MAP4: variants seen among roughly 807,000 people sequenced by gnomAD.
MAP4 encodes the protein microtubule associated protein 4, also known as microtubule-associated protein 4.
A neutral mutation model predicts 170.2 loss-of-function variants in MAP4; 76 were observed. The ratio of observed to expected loss-of-function variants is 0.45; its 90% CI spans 0.37 to 0.54. MAP4 has a LOEUF of 0.54. Ranked by LOEUF, MAP4 falls within the 20% of genes least tolerant of loss-of-function variation. The pLI is 0.00. For synonymous variants in MAP4, 909 were observed against 994.5 expected (o/e 0.91, Z 1.62); for missense variants, 2,506 against 2,748.0 (o/e 0.91, Z 1.97).
chr3:47,921,722 T>C (rs751322312), intron 5 of MAP4, 43 bp downstream of exon 5: 4 of 1,224,346 alleles, frequency 3.3e-6, no homozygotes, highest in Non-Finnish European at 4.8e-6. Flanking sequence ...AGAAAAAATT[T>C]TTTTCCTTCC....
chr3:48,000,634 C>T (rs1396569143), intron 1 of MAP4, among the ~76,000 whole-genome samples: 1 of 152,106 alleles, frequency 6.6e-6, no homozygotes, highest in Non-Finnish European at 1.5e-5. Flanking sequence ...TATTTAGTTG[C>T]CCTGGTTGAC....
chr3:48,001,786 C>A (rs2100099291), intron 1 of MAP4, among the ~76,000 whole-genome samples: 1 of 152,146 alleles, frequency 6.6e-6, no homozygotes, highest in African/African-American at 2.4e-5. Flanking sequence ...CAGGTGTGAG[C>A]CCCTGCGCCC....
chr3:47,988,461 T>C (rs1325483245), intron 2 of MAP4, among the ~76,000 whole-genome samples: 2 of 152,114 alleles, frequency 1.3e-5, no homozygotes, highest in African/African-American at 2.4e-5. Context: ...AAATATGTGG[T>C]GGGACCATGT....
At chr3:47,933,669 G>A (rs928441313) in intron 3 of MAP4, among the ~76,000 whole-genome samples, 2 of 147,908 alleles carry the variant, frequency 1.4e-5, no homozygotes, top group Non-Finnish European at 3.0e-5. Flanking sequence ...GGCGCGATCT[G>A]GGCTCACTGC....
intron 3 of MAP4, chr3:47,973,999 C>T: frequency 1.0e-6 from 1 of 985,422 alleles, no homozygotes; most frequent in Non-Finnish European, 1.2e-6. Flanking sequence ...AGAATCCAGC[C>T]CTTGTGACCA....
At chr3:47,883,142 A>G (rs1490509432) in intron 10 of MAP4, among the ~76,000 whole-genome samples, 4 of 152,106 alleles carry the variant, frequency 2.6e-5, no homozygotes, top group Non-Finnish European at 5.9e-5. Flanking sequence ...TCCTCTTCAT[A>G]GATTAAGCAC....
chr3:47,988,067 G>A (rs1293714341), intron 2 of MAP4, among the ~76,000 whole-genome samples: 5 of 152,032 alleles, frequency 3.3e-5, no homozygotes, highest in African/African-American at 9.7e-5. Context: ...GGCGGCACAC[G>A]CCTGTAGTCC....
chr3:47,900,046 T>C (rs2100029185), intron 10 of MAP4, among the ~76,000 whole-genome samples: 1 of 152,222 alleles, frequency 6.6e-6, no homozygotes, highest in Non-Finnish European at 1.5e-5. Flanking sequence ...TTCTTTCTTA[T>C]CAGTTACCAA....
At chr3:47,988,220 A>G (rs2100090045) in intron 2 of MAP4, among the ~76,000 whole-genome samples, 1 of 150,028 alleles carries the variant, frequency 6.7e-6, no homozygotes, top group Non-Finnish European at 1.5e-5. Context: ...AAAGCAAAGC[A>G]AAAAGATAGA....
At chr3:48,040,752 C>T (rs1177588976) in intron 1 of MAP4, among the ~76,000 whole-genome samples, 9 of 151,546 alleles carry the variant, frequency 5.9e-5, no homozygotes, top group Non-Finnish European at 1.2e-4. Context: ...TTAGTAGAGA[C>T]GGGGTTTCAC....
chr3:47,988,512 G>A lies in MAP4; in HGVS notation c.223+10126C>T, dbSNP rs145767002. Reference sequence around the variant, plus strand: ...ATTAAGCCAATTAATTTATGAATATGACTTATGAATATGAACAGGAGAGCA... The same window carrying A: ...ATTAAGCCAATTAATTTATGAATATAACTTATGAATATGAACAGGAGAGCA... On this transcript the variant is annotated intron_variant, in intron 2 of 20. Coordinates refer to ENST00000683076, the MANE Select transcript of MAP4 (RefSeq NM_001385682.1). 7.2e-5 allele frequency among the ~76,000 whole-genome samples: 11 copies of A among 152,200 alleles called. No homozygotes were observed. The East Asian group carries it at 2.1e-3, about 29-fold the overall frequency.
chr3:48,019,223 T>G (rs2100109357), upstream of MAP4, among the ~76,000 whole-genome samples: 1 of 152,012 alleles, frequency 6.6e-6, no homozygotes, highest in African/African-American at 2.4e-5. Flanking sequence ...GTGCCTGTAG[T>G]GCCAGCCTCT....
intron 4 of MAP4, among the ~76,000 whole-genome samples, chr3:47,925,338 T>C (rs1013796468): frequency 6.6e-6 from 1 of 152,164 alleles, no homozygotes; most frequent in African/African-American, 2.4e-5. Flanking sequence ...CTACTCAAAA[T>C]TGGTCATTCC....
intron 1 of MAP4, among the ~76,000 whole-genome samples, chr3:48,011,046 T>C (rs1474591631): frequency 6.6e-6 from 1 of 152,154 alleles, no homozygotes; most frequent in Non-Finnish European, 1.5e-5. Flanking sequence ...AAACAAGTAG[T>C]GTGGGGCTCG....
rs578145619 is a variant in MAP4, at chr3:47,910,484, T to C, written c.3937A>G (p.Thr1313Ala). Residue 1313 changes from threonine to alanine, a missense_variant, in exon 9 of 21, where the codon ACT becomes GCT. By Grantham distance (58) the Thr-to-Ala change is moderately conservative. Coordinates refer to ENST00000683076, the MANE Select transcript of MAP4 (RefSeq NM_001385682.1). Reference protein sequence around the residue: ...ENKISTVKASTVTEPPAKVTD... With the variant: ...ENKISTVKASAVTEPPAKVTD... Reference sequence around the variant, plus strand: ...ACCTTGGCAGGTGGTTCAGTAACAGTAGAAGCCTTGACTGTGCTTATCTTG... The same window carrying C: ...ACCTTGGCAGGTGGTTCAGTAACAGCAGAAGCCTTGACTGTGCTTATCTTG... 13 of 1,536,094 alleles carry C rather than the reference T, an allele frequency of 8.5e-6. No homozygotes were observed. The South Asian group carries it at 1.2e-4, about 14-fold the overall frequency.
chr3:47,998,633 CT>C lies in MAP4; in HGVS notation c.223+4del. On this transcript the variant is annotated splice_donor_region_variant and intron_variant, in intron 2 of 20. Transcript: ENST00000683076. The stretch of plus-strand genomic sequence containing the variant: ...ATATATAAGCAGTCTGGTTTAAATA[CT>C]TACCTTCAATCTGGCTAGTTTCTGA... The C allele has an allele frequency of 6.2e-7, 1 of 1,610,874 alleles. No individual in the cohort carries two copies. Among genetic ancestry groups the C allele is most frequent in the East Asian group, 2.2e-5 (1 of 44,864 alleles).
intron 10 of MAP4, among the ~76,000 whole-genome samples, chr3:47,882,895 C>T (rs147547547): frequency 2.2e-3 from 331 of 152,238 alleles, no homozygotes; most frequent in African/African-American, 7.7e-3. Context: ...CAACCTCTGC[C>T]TCCCAGGTTC....
chr3:48,084,770 G>C (rs1479167426), intron 1 of MAP4, among the ~76,000 whole-genome samples: 2 of 150,614 alleles, frequency 1.3e-5, no homozygotes, highest in East Asian at 3.9e-4. Flanking sequence ...TTGTTGTTTT[G>C]CTGTACACTA....
At chr3:48,075,846 G>A (rs1022941741) in intron 1 of MAP4, among the ~76,000 whole-genome samples, 3 of 151,390 alleles carry the variant, frequency 2.0e-5, no homozygotes, top group African/African-American at 7.3e-5. Context: ...GTGGTAGCGG[G>A]CACCTGTAAT....
Sources: gnomAD v4.1 joint callset for allele counts (sites outside exome capture counted in the v4.1 genomes callset) on GRCh38, gnomAD v4.1.1 for gene constraint, MANE v1.5 for transcripts, NCBI Gene and HGNC (gene_info 2026-07-23, HGNC 2026-07-21) for gene names.